Variants in TENM3 observed in about 807,000 individuals in gnomAD.
TENM3 encodes the protein teneurin transmembrane protein 3, also known as teneurin-3.
TENM3 carries 63 observed loss-of-function variants against 255.1 expected under a neutral mutation model. The observed-to-expected ratio is 0.25, with a 90% confidence interval of 0.20 to 0.30. The LOEUF is 0.30. Ranked by LOEUF, TENM3 falls within the 10% of genes least tolerant of loss-of-function variation. The pLI is 1.00. For synonymous variants in TENM3, 1,306 were observed against 1,322.3 expected, an observed-to-expected ratio of 0.99 and a Z score of 0.27; for missense variants, 2,929 against 3,461.1, an observed-to-expected ratio of 0.85 and a Z score of 3.86.
Position 182,293,862 on chromosome 4 carries a change from G to A in TENM3, c.-75-30084G>A, listed in dbSNP as rs556306693. 6.6e-5 allele frequency among the ~76,000 whole-genome samples: 10 copies of A among 152,052 alleles called. No homozygotes were observed. In the South Asian group the frequency reaches 1.2e-3, roughly 19 times the overall value. The stretch of plus-strand genomic sequence containing the variant: ...TCTGATTATCTAATTAAACTAATTC[G>A]CACTGAGGTATGAATGAGGCTTAAC... On this transcript the variant is annotated intron_variant, in intron 1 of 27. Transcript: ENST00000511685.
the TENM3 span, among the ~76,000 whole-genome samples, chr4:181,620,978 T>C: frequency 6.6e-6 from 1 of 152,190 alleles, no homozygotes; most frequent in African/African-American, 2.4e-5. Flanking sequence ...AGCTGTCCTC[T>C]TGACTTCTGC....
At chr4:181,978,671 A>G in the TENM3 span, among the ~76,000 whole-genome samples, 8 of 132,574 alleles carry the variant, frequency 6.0e-5, no homozygotes, top group African/African-American at 2.2e-4. Flanking sequence ...AAAAGAAAAG[A>G]AAAAAAAAAA....
At chr4:182,529,914 T>G (rs942022426) in intron 3 of TENM3, among the ~76,000 whole-genome samples, 1 of 152,242 alleles carries the variant, frequency 6.6e-6, no homozygotes, top group Admixed American at 6.5e-5. Flanking sequence ...GAGAGACCAA[T>G]ATTGTTTTAA....
At chr4:181,981,294 A>G in the TENM3 span, among the ~76,000 whole-genome samples, 2 of 152,146 alleles carry the variant, frequency 1.3e-5, no homozygotes, top group Admixed American at 6.5e-5. Flanking sequence ...AATGGTTCCA[A>G]TCTAATCCAT....
chr4:182,514,698 A>C (rs1427015093), intron 3 of TENM3, among the ~76,000 whole-genome samples: 1 of 152,112 alleles, frequency 6.6e-6, no homozygotes, highest in Non-Finnish European at 1.5e-5. Flanking sequence ...GAGTTCATGA[A>C]CTACTAAAAG....
chr4:182,185,338 CA>C (rs906532099), intron 1 of TENM3, among the ~76,000 whole-genome samples: 3 of 152,180 alleles, frequency 2.0e-5, no homozygotes, highest in African/African-American at 7.2e-5. Context: ...GCGTTCTTTT[CA>C]AGCACTTATC....
chr4:182,579,409 C>G (rs141836372), intron 3 of TENM3, among the ~76,000 whole-genome samples: 10 of 152,122 alleles, frequency 6.6e-5, no homozygotes, highest in African/African-American at 2.4e-4. Flanking sequence ...AATAAGCTAA[C>G]AAGAAAATTG....
the TENM3 span, among the ~76,000 whole-genome samples, chr4:182,095,876 TA>T: frequency 7.1e-6 from 1 of 141,192 alleles, no homozygotes; most frequent in Non-Finnish European, 1.6e-5. Context: ...ACTTAAAAAT[TA>T]AAAAAGAAAG....
intron 3 of TENM3, among the ~76,000 whole-genome samples, chr4:182,598,379 C>A (rs1306591068): frequency 6.6e-6 from 1 of 152,144 alleles, no homozygotes; most frequent in Admixed American, 6.5e-5. Context: ...CTAGCCTGGG[C>A]AGACCATTGG....
At chr4:182,302,390 C>T (rs1761901350) in intron 1 of TENM3, among the ~76,000 whole-genome samples, 1 of 152,172 alleles carries the variant, frequency 6.6e-6, no homozygotes, top group Admixed American at 6.5e-5. Context: ...TTGGGTCACT[C>T]TTTCAGTCAT....
chr4:181,919,987 G>C, the TENM3 span, among the ~76,000 whole-genome samples: 1 of 146,850 alleles, frequency 6.8e-6, no homozygotes, highest in Non-Finnish European at 1.5e-5. Context: ...TGCAGTGTTT[G>C]GTTTTTTGTT....
the TENM3 span, among the ~76,000 whole-genome samples, chr4:181,978,747 A>G: frequency 6.6e-6 from 1 of 151,722 alleles, no homozygotes; most frequent in African/African-American, 2.4e-5. Context: ...TATAAAGCCT[A>G]TATGGGAAGT....
the TENM3 span, among the ~76,000 whole-genome samples, chr4:181,549,796 A>G: frequency 6.6e-6 from 1 of 152,150 alleles, no homozygotes; most frequent in Non-Finnish European, 1.5e-5. Flanking sequence ...TTGCATATTT[A>G]ATAGTAATCT....
chr4:182,747,444 C>A (rs1762084324), intron 19 of TENM3, among the ~76,000 whole-genome samples: 1 of 152,250 alleles, frequency 6.6e-6, no homozygotes, highest in African/African-American at 2.4e-5. Context: ...ACATATTAAA[C>A]TTTTTACATA....
chr4:181,974,837 T>G, the TENM3 span, among the ~76,000 whole-genome samples: 1 of 152,200 alleles, frequency 6.6e-6, no homozygotes, highest in South Asian at 2.1e-4. Context: ...CCATGGGTAT[T>G]ACATATGTAA....
intron 3 of TENM3, among the ~76,000 whole-genome samples, chr4:182,536,602 T>G (rs1740346583): frequency 6.6e-6 from 1 of 152,192 alleles, no homozygotes; most frequent in African/African-American, 2.4e-5. Flanking sequence ...TGGAAAGAAA[T>G]AAGCAGATGT....
chr4:181,831,499 C>CAA, the TENM3 span, among the ~76,000 whole-genome samples: 28,881 of 144,112 alleles, frequency 0.2, 3,614 homozygotes, highest in East Asian at 0.67. Context: ...GCCTATGTGC[C>CAA]AAAAAAAAAA....
chr4:182,321,043 T>A (rs1409865338), intron 1 of TENM3, among the ~76,000 whole-genome samples: 1 of 152,238 alleles, frequency 6.6e-6, no homozygotes, highest in Admixed American at 6.5e-5. Flanking sequence ...AAATCCCGAA[T>A]CTTTATTACT....
intron 3 of TENM3, among the ~76,000 whole-genome samples, chr4:182,508,307 G>C (rs1179342447): frequency 6.6e-6 from 1 of 152,006 alleles, no homozygotes; most frequent in African/African-American, 2.4e-5. Flanking sequence ...GTGAACCTTG[G>C]TTTCATTAAA....
Sources: allele counts gnomAD v4.1 joint callset (sites outside exome capture counted in the v4.1 genomes callset), GRCh38; gene constraint gnomAD v4.1.1; transcripts MANE v1.5; gene names NCBI Gene and HGNC (gene_info 2026-07-23, HGNC 2026-07-21).